CHST2: variants seen among roughly 807,000 people sequenced by gnomAD.
The protein encoded by CHST2 is carbohydrate sulfotransferase 2.
Under a neutral mutation model 34.6 loss-of-function variants are expected in CHST2, and 23 were observed. The ratio of observed to expected loss-of-function variants is 0.67; its 90% CI spans 0.48 to 0.94. The LOEUF (loss-of-function observed/expected upper bound fraction) is 0.94, where lower values mean the gene tolerates loss of function less well. Among genes scored for constraint, CHST2 ranks in the 40% least tolerant of loss-of-function variants. The pLI is 0.00. For missense variants in CHST2, 720 were observed against 759.5 expected (o/e 0.95, Z 0.61); for synonymous variants, 392 against 343.1 (o/e 1.14, Z -1.58).
At position 143,121,535 on chromosome 3, in the gene CHST2, G is replaced by A. The variant is rs1559816729; in HGVS notation, c.719G>A (p.Gly240Glu). 2 of 1,610,542 alleles carry A rather than the reference G, an allele frequency of 1.2e-6. No individual in the cohort carries two copies. Among genetic ancestry groups the A allele is most frequent in the Non-Finnish European group, 1.7e-6 (2 of 1,178,250 alleles). ...CAGTTGTATAGCCCCGCGGGCAGCG[G>A]GGGGCGCAACCTCACCACGCTGGGC... is the stretch of plus-strand genomic sequence containing the variant. Reference protein sequence around the residue: ...VFQLYSPAGSGGRNLTTLGIF... With the variant: ...VFQLYSPAGSEGRNLTTLGIF... Residue 240 changes from glycine to glutamate, a missense_variant, in exon 2 of 2, where the codon GGG becomes GAG. Gly to Glu is a moderately conservative substitution (Grantham distance 98, BLOSUM62 -2). This residue lies in a region of CHST2 where 166 missense variants were observed against 211.4 expected (regional missense o/e 0.79). Transcript: ENST00000309575.
In CHST2 at chr3:143,121,489, C is replaced by T; in HGVS notation, c.673C>T (p.Arg225Cys). Residue 225 changes from arginine (R) to cysteine (C), a missense_variant, in exon 2 of 2, where the codon CGC (arginine) becomes TGC (cysteine). Coordinates refer to ENST00000309575, the MANE Select transcript of CHST2 (RefSeq NM_004267.5). Reference sequence around the variant, plus strand: ...GCGGGACATGCTGAGCGCTCTTTACCGCTGCGACCTCTCTGTCTTCCAGTT... The same window carrying T: ...GCGGGACATGCTGAGCGCTCTTTACTGCTGCGACCTCTCTGTCTTCCAGTT... ...AARDMLSALY[R>C]CDLSVFQLYS... 6.2e-7 allele frequency: 1 copy of T among 1,612,364 alleles called. No homozygotes were observed. The highest frequency in any genetic ancestry group is 8.5e-7 in the Non-Finnish European group (1 of 1,179,318).
At position 143,120,797 on chromosome 3, in the gene CHST2, C is replaced by G; in HGVS notation, c.-20C>G. The G allele has an allele frequency of 8.1e-7, 1 of 1,229,354 alleles. No homozygotes were observed. Among genetic ancestry groups the G allele is most frequent in the Non-Finnish European group, 1.0e-6 (1 of 988,688 alleles). 76.2% of individuals were successfully genotyped at this position (1,229,354 alleles called of 1,614,324 possible). A position where few individuals can be genotyped will look rare whatever the true frequency, so the allele number is the denominator to read the frequency against. On this transcript the variant is annotated 5_prime_UTR_variant, in exon 2 of 2. Transcript: ENST00000309575. This position sits in a 1 kb window ranked among gnomAD's most constrained non-coding sequence, Gnocchi z 4.1. ...TGCAGGGCTGCCTCCGCCGCGCCGCCGGCCCGGATTGTGCCTGTGATGAGC... is the reference window on the plus strand; with the variant it reads ...TGCAGGGCTGCCTCCGCCGCGCCGCGGGCCCGGATTGTGCCTGTGATGAGC...
At position 143,120,713 on chromosome 3, in the gene CHST2, C is replaced by T. The variant is rs1936197157; in HGVS notation, c.-104C>T. ...TGGGGACCAGCCGCCGCGCCCGCCT[C>T]GGAGTCGCGGCCCGAGTCCCGGCGC... On this transcript the variant is annotated 5_prime_UTR_variant, in exon 2 of 2. Coordinates refer to ENST00000309575, the MANE Select transcript of CHST2 (RefSeq NM_004267.5). The surrounding 1 kb of genome is among the most constrained non-coding windows in gnomAD (Gnocchi z 4.1). 2.7e-6 allele frequency: 3 copies of T among 1,091,266 alleles called. No homozygotes were observed. The highest frequency in any genetic ancestry group is 3.3e-5 in the African/African-American group (2 of 60,296). The allele number at this position is 1,091,266 out of a possible 1,614,324, so 67.6% of individuals were successfully genotyped here.
chr3:143,121,057 G>A lies in CHST2; in HGVS notation c.241G>A (p.Glu81Lys). 2 of 1,522,626 alleles carry A rather than the reference G, an allele frequency of 1.3e-6. No individual in the cohort carries two copies. Among genetic ancestry groups the A allele is most frequent in the East Asian group, 2.6e-5 (1 of 37,780 alleles). The allele number at this position is 1,522,626 out of a possible 1,614,324, so 94.3% of individuals were successfully genotyped here. The change falls in exon 2 of 2, where the codon GAG becomes AAG. Residue 81 changes from glutamate (E) to lysine (K), a missense_variant. Physicochemically the swap from Glu to Lys is moderately conservative, Grantham distance 56. Transcript: ENST00000309575. Reference sequence around the variant, plus strand: ...CCTCCTGGACTACAAGTGGCACAAGGAGCCGCTGCAGCAGTGCAACCCCGA... The same window carrying A: ...CCTCCTGGACTACAAGTGGCACAAGAAGCCGCTGCAGCAGTGCAACCCCGA... ...LNLLDYKWHK[E>K]PLQQCNPDGP...
rs1000886468 is a variant in CHST2 at position 143,121,531 on chromosome 3, A to G, written c.715A>G (p.Ser239Gly). 3.1e-6 allele frequency: 5 copies of G among 1,610,320 alleles called. No individual in the cohort carries two copies. Among genetic ancestry groups the G allele is most frequent in the African/African-American group, 2.7e-5 (2 of 74,878 alleles). The change falls in exon 2 of 2, where the codon AGC becomes GGC. Residue 239 changes from serine to glycine, a missense_variant. Coordinates refer to ENST00000309575, the MANE Select transcript of CHST2 (RefSeq NM_004267.5). ...SVFQLYSPAG[S>G]GGRNLTTLGI... Reference sequence around the variant, plus strand: ...CTTCCAGTTGTATAGCCCCGCGGGCAGCGGGGGGCGCAACCTCACCACGCT... The same window carrying G: ...CTTCCAGTTGTATAGCCCCGCGGGCGGCGGGGGGCGCAACCTCACCACGCT...
rs1206731534 is a variant in CHST2, at chr3:143,120,919, C to T, written c.103C>T (p.Arg35Trp). 6.6e-7 allele frequency: 1 copy of T among 1,513,402 alleles called. No homozygotes were observed. 93.7% of individuals were successfully genotyped at this position (1,513,402 alleles called of 1,614,324 possible). ...GCGTGCCCTGCTCCCGCAGTGGCCCCGGCGCCCAGGACGCCGCTGGCCCGC... is the reference window on the plus strand; with the variant it reads ...GCGTGCCCTGCTCCCGCAGTGGCCCTGGCGCCCAGGACGCCGCTGGCCCGC... ...APRALLPQWP[R>W]RPGRRWPASP... Residue 35 changes from arginine to tryptophan, a missense_variant, in exon 2 of 2, where the codon CGG (arginine) becomes TGG (tryptophan). Transcript: ENST00000309575. This position sits in a 1 kb window ranked among gnomAD's most constrained non-coding sequence, Gnocchi z 4.1.
rs910244203 is a variant in CHST2 at position 143,123,935 on chromosome 3, G to C, written c.*1526G>C. 2.6e-5 allele frequency: 4 copies of C among 152,218 alleles called. No homozygotes were observed. Among genetic ancestry groups the C allele is most frequent in the African/African-American group, 9.6e-5 (4 of 41,452 alleles). The allele number at this position is 152,218 out of a possible 1,614,324, so 9.4% of individuals were successfully genotyped here. On this transcript the variant is annotated 3_prime_UTR_variant, in exon 2 of 2. Coordinates refer to ENST00000309575, the MANE Select transcript of CHST2 (RefSeq NM_004267.5). The stretch of plus-strand genomic sequence containing the variant: ...CATTCTGCAGAATGTTATACTATGA[G>C]AAGAAATTGTGAAGCCCAAATGGGA...
chr3:143,121,003 G>T lies in CHST2; in HGVS notation c.187G>T (p.Ala63Ser). The part of the protein sequence containing the change: ...RKALVLCAGY[A>S]LLLVLTMLNL... ...GGCGCTGGTGTTGTGCGCGGGCTAT[G>T]CACTGCTGCTGGTGCTCACTATGCT... The change falls in exon 2 of 2, where the codon GCA becomes TCA. Residue 63 changes from alanine to serine, a missense_variant. By Grantham distance (99) the Ala-to-Ser change is moderately conservative (BLOSUM62 1). Transcript: ENST00000309575. 1 of 1,543,890 alleles carries T rather than the reference G, an allele frequency of 6.5e-7. No individual in the cohort carries two copies. The highest frequency in any genetic ancestry group is 8.7e-7 in the Non-Finnish European group (1 of 1,145,966).
At position 143,121,105 on chromosome 3, in the gene CHST2, G is replaced by T; in HGVS notation, c.289G>T (p.Gly97Trp). 1 of 1,494,012 alleles carries T rather than the reference G, an allele frequency of 6.7e-7. No individual in the cohort carries two copies. 92.5% of individuals were successfully genotyped at this position (1,494,012 alleles called of 1,614,324 possible). The stretch of plus-strand genomic sequence containing the variant: ...CGATGGGCCGCTGGGTGCCGCAGCG[G>T]GGGCAGCCGGAGGCAGCTGGGGGCG... Reference protein sequence around the residue: ...NPDGPLGAAAGAAGGSWGRPG... With the variant: ...NPDGPLGAAAWAAGGSWGRPG... Residue 97 changes from glycine (G) to tryptophan (W), a missense_variant, in exon 2 of 2, where the codon GGG (glycine) becomes TGG (tryptophan). Gly to Trp is a radical substitution (Grantham distance 184). Around this residue, in one of 4 missense-constraint regions of CHST2, gnomAD observed 287 missense variants for 242.7 expected, o/e 1.18. Coordinates refer to ENST00000309575, the MANE Select transcript of CHST2 (RefSeq NM_004267.5).
Position 143,121,613 on chromosome 3 carries a change from C to G in CHST2, c.797C>G (p.Ala266Gly). ...GTGTGCTCGTCACCACTCTGCCCCG[C>G]CTACCGCAAGGAGGTCGTGGGGTTG... ...KVVCSSPLCP[A>G]YRKEVVGLVD... The change falls in exon 2 of 2, where the codon GCC (alanine) becomes GGC (glycine). Residue 266 changes from alanine to glycine, a missense_variant. By Grantham distance (60) the Ala-to-Gly change is moderately conservative. Coordinates refer to ENST00000309575, the MANE Select transcript of CHST2 (RefSeq NM_004267.5). 6.3e-7 allele frequency: 1 copy of G among 1,592,710 alleles called. No homozygotes were observed. Among genetic ancestry groups the G allele is most frequent in the South Asian group, 1.1e-5 (1 of 88,680 alleles).
In CHST2 at chr3:143,121,685, G is replaced by C. The variant is rs753653720; in HGVS notation, c.869G>C (p.Arg290Pro). ...CKKCPPQRLA[R>P]FEEECRKYRT... ...AAGTGCCCGCCACAGCGCCTGGCGC[G>C]TTTCGAGGAGGAGTGCCGCAAGTAC... is the stretch of plus-strand genomic sequence containing the variant. Residue 290 changes from arginine (R) to proline (P), a missense_variant, in exon 2 of 2, where the codon CGT becomes CCT. Around this residue, in one of 4 missense-constraint regions of CHST2, gnomAD observed 166 missense variants for 211.4 expected, o/e 0.79. Transcript: ENST00000309575. 1 of 1,578,558 alleles carries C rather than the reference G, an allele frequency of 6.3e-7. No individual in the cohort carries two copies. Among genetic ancestry groups the C allele is most frequent in the Non-Finnish European group, 8.6e-7 (1 of 1,157,946 alleles).
At position 143,121,711 on chromosome 3, in the gene CHST2, C is replaced by T; in HGVS notation, c.895C>T (p.Arg299Cys). 2.5e-6 allele frequency: 4 copies of T among 1,589,110 alleles called. No individual in the cohort carries two copies. Among genetic ancestry groups the T allele is most frequent in the Non-Finnish European group, 3.4e-6 (4 of 1,165,484 alleles). The part of the protein sequence containing the change: ...ARFEEECRKY[R>C]TLVIKGVRVF... ...TTTCGAGGAGGAGTGCCGCAAGTAC[C>T]GCACACTAGTCATAAAGGGTGTGCG... The change falls in exon 2 of 2, where the codon CGC (arginine) becomes TGC (cysteine). Residue 299 changes from arginine (R) to cysteine (C), a missense_variant. Around this residue, in one of 4 missense-constraint regions of CHST2, gnomAD observed 166 missense variants for 211.4 expected, o/e 0.79. Coordinates refer to ENST00000309575, the MANE Select transcript of CHST2 (RefSeq NM_004267.5).
Position 143,122,223 on chromosome 3 carries a change from C to G in CHST2, c.1407C>G (p.Phe469Leu). 6.2e-7 allele frequency: 1 copy of G among 1,614,086 alleles called. No individual in the cohort carries two copies. Among genetic ancestry groups the G allele is most frequent in the Non-Finnish European group, 8.5e-7 (1 of 1,180,002 alleles). ...TSGSGSSSKP[F>L]VVSARNATQA... The stretch of plus-strand genomic sequence containing the variant: ...GCTCGGGCTCCTCCTCCAAGCCTTT[C>G]GTGGTATCTGCACGCAATGCCACGC... Residue 469 changes from phenylalanine to leucine, a missense_variant, in exon 2 of 2, where the codon TTC becomes TTG. By Grantham distance (22) the Phe-to-Leu change is conservative. This residue lies in a region of CHST2 where 224 missense variants were observed against 227.8 expected (regional missense o/e 0.98). Transcript: ENST00000309575.
Position 143,120,945 on chromosome 3 carries a change from G to C in CHST2, c.129G>C (p.Ala43=). ...WPRRPGRRWP[A]SPLGMKVFRR... ...GGCGCCCAGGACGCCGCTGGCCCGC[G>C]TCCCCTCTCGGAATGAAGGTGTTCC... is the stretch of plus-strand genomic sequence containing the variant. Residue 43 remains alanine, a synonymous_variant, in exon 2 of 2, where the codon GCG becomes GCC. Transcript: ENST00000309575. This position sits in a 1 kb window ranked among gnomAD's most constrained non-coding sequence, Gnocchi z 4.1. The C allele has an allele frequency of 6.5e-7, 1 of 1,533,040 alleles. No homozygotes were observed. Among genetic ancestry groups the C allele is most frequent in the Non-Finnish European group, 8.8e-7 (1 of 1,141,304 alleles). 95.0% of individuals were successfully genotyped at this position (1,533,040 alleles called of 1,614,324 possible). A position where few individuals can be genotyped will look rare whatever the true frequency, so the allele number is the denominator to read the frequency against.
At position 143,122,540 on chromosome 3, in the gene CHST2, C is replaced by A; in HGVS notation, c.*131C>A. On this transcript the variant is annotated 3_prime_UTR_variant, in exon 2 of 2. Coordinates refer to ENST00000309575, the MANE Select transcript of CHST2 (RefSeq NM_004267.5). Reference sequence around the variant, plus strand: ...TCTATTATAGATATATAAATAATCACACACACACTTGCTGTCAATGTTTTG... The same window carrying A: ...TCTATTATAGATATATAAATAATCAAACACACACTTGCTGTCAATGTTTTG... 1 of 902,596 alleles carries A rather than the reference C, an allele frequency of 1.1e-6. No homozygotes were observed. Among genetic ancestry groups the A allele is most frequent in the Non-Finnish European group, 1.6e-6 (1 of 625,202 alleles). 55.9% of individuals were successfully genotyped at this position (902,596 alleles called of 1,614,324 possible).
chr3:143,123,715 GAAAGT>G lies in CHST2; in HGVS notation c.*1309_*1313del, dbSNP rs1936262161. 1 of 152,210 alleles carries G rather than the reference GAAAGT, an allele frequency of 6.6e-6. No individual in the cohort carries two copies. The highest frequency in any genetic ancestry group is 2.4e-5 in the African/African-American group (1 of 41,448). The allele number at this position is 152,210 out of a possible 1,614,324, so 9.4% of individuals were successfully genotyped here. On this transcript the variant is annotated 3_prime_UTR_variant, in exon 2 of 2. Transcript: ENST00000309575. ...TGTTTCCTAAAAGTAAATTTGCAAA[GAAAGT>G]AACATGCTGCAGACAGTATAAGGCT... is the stretch of plus-strand genomic sequence containing the variant.
chr3:143,121,349 C>T lies in CHST2; in HGVS notation c.533C>T (p.Ser178Leu). ...YVFTTWRSGS[S>L]FFGELFNQNP... Reference sequence around the variant, plus strand: ...TTCACCACGTGGCGCTCTGGCTCGTCGTTCTTCGGCGAGCTATTCAACCAG... The same window carrying T: ...TTCACCACGTGGCGCTCTGGCTCGTTGTTCTTCGGCGAGCTATTCAACCAG... Residue 178 changes from serine to leucine, a missense_variant, in exon 2 of 2, where the codon TCG becomes TTG. Ser to Leu is a moderately radical substitution (Grantham distance 145). Coordinates refer to ENST00000309575, the MANE Select transcript of CHST2 (RefSeq NM_004267.5). The T allele has an allele frequency of 1.2e-6, 2 of 1,613,582 alleles. No individual in the cohort carries two copies. The highest frequency in any genetic ancestry group is 1.7e-6 in the Non-Finnish European group (2 of 1,180,012).
At position 143,121,936 on chromosome 3, in the gene CHST2, C is replaced by G. The variant is rs1300002070; in HGVS notation, c.1120C>G (p.His374Asp). 1.3e-6 allele frequency: 2 copies of G among 1,580,492 alleles called. No homozygotes were observed. The change falls in exon 2 of 2, where the codon CAC becomes GAC. Residue 374 changes from histidine to aspartate, a missense_variant. This residue lies in a region of CHST2 where 224 missense variants were observed against 227.8 expected (regional missense o/e 0.98). Transcript: ENST00000309575. ...CATGCCCTTCTTGGAGGCCGCGGGCCACAAGCTTGGCGCCAAGAAGGAGGG... is the reference window on the plus strand; with the variant it reads ...CATGCCCTTCTTGGAGGCCGCGGGCGACAAGCTTGGCGCCAAGAAGGAGGG... ...HRMPFLEAAG[H>D]KLGAKKEGVG...
In CHST2 at chr3:143,122,031, G is replaced by C; in HGVS notation, c.1215G>C (p.Thr405=). 1 of 1,613,156 alleles carries C rather than the reference G, an allele frequency of 6.2e-7. No homozygotes were observed. Among genetic ancestry groups the C allele is most frequent in the East Asian group, 2.2e-5 (1 of 44,884 alleles). Residue 405 remains threonine, a synonymous_variant, in exon 2 of 2, where the codon ACG becomes ACC. Coordinates refer to ENST00000309575, the MANE Select transcript of CHST2 (RefSeq NM_004267.5). Reference sequence around the variant, plus strand: ...TCATCTGCAATAGTATGGCTAAGACGCTGCAGACAGCCCTGCAGCCCCCTG... The same window carrying C: ...TCATCTGCAATAGTATGGCTAAGACCCTGCAGACAGCCCTGCAGCCCCCTG... ...MEVICNSMAK[T]LQTALQPPDW...
Sources: gnomAD v4.1 joint callset for allele counts on GRCh38, gnomAD v4.1.1 for gene constraint, gnomAD v4.1.1 regional missense constraint, Gnocchi (gnomAD v3.1) non-coding constraint, MANE v1.5 for transcripts, NCBI Gene and HGNC (gene_info 2026-07-23, HGNC 2026-07-21) for gene names.